The following ZFPM2 variants were observed in gnomAD, a reference collection of about 807,000 sequenced individuals.
ZFPM2 encodes the protein zinc finger protein ZFPM2.
A neutral mutation model predicts 98.6 loss-of-function variants in ZFPM2; 20 were observed. The observed-to-expected ratio is 0.20, with a 90% CI of 0.14 to 0.29. ZFPM2 has a LOEUF of 0.29. ZFPM2 is among the 10% of genes least tolerant of loss of function. The pLI is 1.00. For synonymous variants in ZFPM2, 518 were observed against 502.7 expected, an observed-to-expected ratio of 1.03 and a Z score of -0.41; for missense variants, 1,310 against 1,388.6, an observed-to-expected ratio of 0.94 and a Z score of 0.90.
At chr8:105,480,549 T>C (rs533565555) in intron 3 of ZFPM2, among the ~76,000 whole-genome samples, 75 of 152,336 alleles carry the variant, frequency 4.9e-4, no homozygotes, top group Admixed American at 1.4e-3. Context: ...ACTAGACTTA[T>C]ATTTTCCTCT....
chr8:105,663,101 G>A (rs1322765330), intron 5 of ZFPM2, among the ~76,000 whole-genome samples: 1 of 152,192 alleles, frequency 6.6e-6, no homozygotes, highest in Non-Finnish European at 1.5e-5. Context: ...ATTACCATGA[G>A]AAGTACTGCT....
chr8:105,352,771 G>GTGGCT (rs1400036325), intron 1 of ZFPM2, among the ~76,000 whole-genome samples: 1 of 152,038 alleles, frequency 6.6e-6, no homozygotes, highest in East Asian at 1.9e-4. Context: ...TTGTTGTAAG[G>GTGGCT]TGGCTTTTTG....
intron 5 of ZFPM2, among the ~76,000 whole-genome samples, chr8:105,769,511 A>AC (rs1363233292): frequency 6.6e-6 from 1 of 151,874 alleles, no homozygotes; most frequent in East Asian, 1.9e-4. Flanking sequence ...CTCTTCTCTG[A>AC]CTTTTTATTT....
chr8:105,770,508 G>T (rs564365086), intron 5 of ZFPM2, among the ~76,000 whole-genome samples: 19 of 152,006 alleles, frequency 1.2e-4, no homozygotes, highest in Admixed American at 9.8e-4. Flanking sequence ...CAAGGATTCC[G>T]CCCCCAACCC....
At position 105,498,987 on chromosome 8, in the gene ZFPM2, T is replaced by C. The variant is rs545396430; in HGVS notation, c.301+54606T>C. The stretch of plus-strand genomic sequence containing the variant: ...GCAGTTAGTAACAGGATTGGAAGTG[T>C]GGAATATAAAGTGTAAGAAAAGAGA... On this transcript the variant is annotated intron_variant, in intron 3 of 7. Transcript: ENST00000407775. Among the ~76,000 whole-genome samples, 5 of 152,262 alleles carry C rather than the reference T, an allele frequency of 3.3e-5. No individual in the cohort carries two copies. The South Asian group carries it at 1.0e-3, about 32-fold the overall frequency.
At chr8:105,445,713 TCC>T (rs1262752094) in intron 3 of ZFPM2, among the ~76,000 whole-genome samples, 1 of 151,554 alleles carries the variant, frequency 6.6e-6, no homozygotes, top group Non-Finnish European at 1.5e-5. Flanking sequence ...CAAGTGATCC[TCC>T]CACCTCAGCC....
intron 4 of ZFPM2, among the ~76,000 whole-genome samples, chr8:105,588,076 T>G (rs1201800171): frequency 6.6e-6 from 1 of 152,214 alleles, no homozygotes; most frequent in African/African-American, 2.4e-5. Flanking sequence ...TTTTCCTGGC[T>G]AATTAGGCTG....
At chr8:105,692,393 C>T (rs1810908055) in intron 5 of ZFPM2, among the ~76,000 whole-genome samples, 1 of 152,136 alleles carries the variant, frequency 6.6e-6, no homozygotes, top group Non-Finnish European at 1.5e-5. Flanking sequence ...GGGGTGCAAA[C>T]TCAAAATTTT....
At chr8:105,644,533 G>A (rs533443526) in intron 5 of ZFPM2, among the ~76,000 whole-genome samples, 1 of 150,342 alleles carries the variant, frequency 6.7e-6, no homozygotes, top group East Asian at 2.0e-4. Flanking sequence ...TCTCTCCCTC[G>A]CTCCCCATAC....
chr8:105,706,453 A>T (rs1454243369), intron 5 of ZFPM2, among the ~76,000 whole-genome samples: 1 of 152,134 alleles, frequency 6.6e-6, no homozygotes, highest in African/African-American at 2.4e-5. Context: ...CAATATAAAC[A>T]TTCCTCATTT....
intron 4 of ZFPM2, among the ~76,000 whole-genome samples, chr8:105,595,076 T>C (rs1815939979): frequency 2.0e-5 from 3 of 152,110 alleles, no homozygotes; most frequent in Admixed American, 2.0e-4. Context: ...TGTGGGATGT[T>C]AGAGAACCAG....
intron 6 of ZFPM2, among the ~76,000 whole-genome samples, chr8:105,792,982 T>G (rs1370772131): frequency 6.6e-6 from 1 of 152,228 alleles, no homozygotes; most frequent in Non-Finnish European, 1.5e-5. Flanking sequence ...TGTGTGTCTC[T>G]GCATGTGAGA....
chr8:105,608,857 T>C (rs1175234695), intron 4 of ZFPM2, among the ~76,000 whole-genome samples: 2 of 152,050 alleles, frequency 1.3e-5, no homozygotes, highest in East Asian at 1.9e-4. Context: ...CATAAAAATA[T>C]AGAAAGTTAA....
intron 4 of ZFPM2, among the ~76,000 whole-genome samples, chr8:105,594,699 CA>C (rs1455782187): frequency 1.3e-5 from 2 of 152,042 alleles, no homozygotes; most frequent in Non-Finnish European, 2.9e-5. Context: ...GATATGACTT[CA>C]AAACTCTTTC....
At chr8:105,455,910 T>A (rs934158955) in intron 3 of ZFPM2, among the ~76,000 whole-genome samples, 1 of 152,006 alleles carries the variant, frequency 6.6e-6, no homozygotes, top group African/African-American at 2.4e-5. Flanking sequence ...GGAAGAAAGG[T>A]CTGGGGTAGA....
chr8:105,795,283 T>TGTGTGTGTGTGTGG (rs1554582327), intron 6 of ZFPM2, among the ~76,000 whole-genome samples: 11 of 150,106 alleles, frequency 7.3e-5, no homozygotes, highest in African/African-American at 2.5e-4. Context: ...TGTGTGTGTG[T>TGTGTGTGTGTGTGG]GGTCAATTGT....
chr8:105,703,515 GT>G lies in ZFPM2; in HGVS notation c.532+69166del, dbSNP rs148476197. Among the ~76,000 whole-genome samples, 3 of 151,960 alleles carry G rather than the reference GT, an allele frequency of 2.0e-5. No individual in the cohort carries two copies. In the East Asian group the frequency reaches 5.8e-4, roughly 29 times the overall value. On this transcript the variant is annotated intron_variant, in intron 5 of 7. Transcript: ENST00000407775. ...GTAGAAAGTTTTTTGTTGTTGTTTT[GT>G]TTTTTTTAATAAGGTCTTGGCTTGT...
At chr8:105,371,148 A>G (rs1267354356) in intron 1 of ZFPM2, among the ~76,000 whole-genome samples, 1 of 152,194 alleles carries the variant, frequency 6.6e-6, no homozygotes, top group Non-Finnish European at 1.5e-5. Context: ...TTTTGTTTTA[A>G]TATTCTTGTT....
Position 105,441,573 on chromosome 8 carries a change from AGAAG to A in ZFPM2, c.200-2702_200-2699del, listed in dbSNP as rs1812252315. 2.6e-5 allele frequency among the ~76,000 whole-genome samples: 4 copies of A among 152,148 alleles called. No individual in the cohort carries two copies. The South Asian group carries it at 8.3e-4, about 32-fold the overall frequency. ...ATCCCTTGGTCACAAAGCAGGGCCA[AGAAG>A]GAAGAGAGCGGATTGGGGCCAGCAA... On this transcript the variant is annotated intron_variant, in intron 2 of 7. Coordinates refer to ENST00000407775, the MANE Select transcript of ZFPM2 (RefSeq NM_012082.4).
Sources: gnomAD v4.1 joint callset for allele counts (sites outside exome capture counted in the v4.1 genomes callset) on GRCh38, gnomAD v4.1.1 for gene constraint, MANE v1.5 for transcripts, NCBI Gene and HGNC (gene_info 2026-07-23, HGNC 2026-07-21) for gene names.